SPHKAP: variants seen among roughly 807,000 people sequenced by gnomAD.
The protein encoded by SPHKAP is A-kinase anchor protein SPHKAP.
SPHKAP carries 67 observed loss-of-function variants against 137.5 expected under a neutral mutation model. The ratio of observed to expected loss-of-function variants is 0.49; its 90% CI spans 0.40 to 0.60. The LOEUF (loss-of-function observed/expected upper bound fraction) is 0.60. SPHKAP is among the 20% of genes least tolerant of loss of function. SPHKAP has a pLI of 0.00. For synonymous variants in SPHKAP, 813 were observed against 785.3 expected (o/e 1.04, Z -0.59); for missense variants, 2,097 against 2,069.3 (o/e 1.01, Z -0.26).
At chr2:228,160,399 C>G (rs1700239645) in intron 1 of SPHKAP, among the ~76,000 whole-genome samples, 1 of 152,154 alleles carries the variant, frequency 6.6e-6, no homozygotes, top group African/African-American at 2.4e-5. Context: ...ACTCACAGTT[C>G]CAAATGGCTG....
chr2:228,039,749 G>A (rs1428685462), intron 3 of SPHKAP, among the ~76,000 whole-genome samples: 3 of 152,110 alleles, frequency 2.0e-5, no homozygotes, highest in African/African-American at 7.2e-5. Context: ...GACAAAATCA[G>A]TGCTTTTATA....
chr2:228,063,240 C>T (rs1490063080), intron 3 of SPHKAP, among the ~76,000 whole-genome samples: 1 of 151,898 alleles, frequency 6.6e-6, no homozygotes, highest in African/African-American at 2.4e-5. Context: ...GTCTATCTAC[C>T]TACCTATCTG....
intron 2 of SPHKAP, among the ~76,000 whole-genome samples, chr2:228,117,092 C>T (rs1184780159): frequency 6.6e-6 from 1 of 152,096 alleles, no homozygotes; most frequent in African/African-American, 2.4e-5. Context: ...TTGGAAGGTG[C>T]ATGCTTCCCA....
At chr2:228,033,831 T>C (rs933203543) in intron 3 of SPHKAP, among the ~76,000 whole-genome samples, 12 of 152,140 alleles carry the variant, frequency 7.9e-5, no homozygotes, top group African/African-American at 2.2e-4. Context: ...TTGAAACCAA[T>C]GAGAACAAAG....
At chr2:228,023,551 G>A (rs775893539) in intron 5 of SPHKAP, among the ~76,000 whole-genome samples, 1 of 152,232 alleles carries the variant, frequency 6.6e-6, no homozygotes, top group Admixed American at 6.5e-5. Flanking sequence ...GTAAGCAGAA[G>A]TTGGCTTAAT....
At position 228,004,366 on chromosome 2, in the gene SPHKAP, T is replaced by C. The variant is rs149144004; in HGVS notation, c.4449-8672A>G. Among the ~76,000 whole-genome samples, 1,288 of 152,322 alleles carry C rather than the reference T, an allele frequency of 8.5e-3. 10 individuals are homozygous for C. Among genetic ancestry groups the C allele is most frequent in the African/African-American group, 0.026 (1,064 of 41,560 alleles). On this transcript the variant is annotated intron_variant, in intron 7 of 11. Transcript: ENST00000392056. Reference sequence around the variant, plus strand: ...ATTTGCGTAGAGGTGTTTATAGTATTCTCTGATGGTAGTTTGCATTTCTGT... The same window carrying C: ...ATTTGCGTAGAGGTGTTTATAGTATCCTCTGATGGTAGTTTGCATTTCTGT...
intron 3 of SPHKAP, among the ~76,000 whole-genome samples, chr2:228,092,234 T>C (rs1239241127): frequency 1.4e-5 from 2 of 146,884 alleles, no homozygotes; most frequent in Non-Finnish European, 3.0e-5. Context: ...TATACACACA[T>C]GTATACACAC....
chr2:228,143,664 C>CTT (rs35440451), intron 1 of SPHKAP, among the ~76,000 whole-genome samples: 1,238 of 97,414 alleles, frequency 0.013, 43 homozygotes, highest in Non-Finnish European at 0.02. Context: ...AAACACCTGG[C>CTT]TTTTTTTTTT....
chr2:228,017,463 T>C lies in SPHKAP; in HGVS notation c.3391A>G (p.Arg1131Gly). 6.2e-7 allele frequency: 1 copy of C among 1,613,848 alleles called. No homozygotes were observed. The highest frequency in any genetic ancestry group is 2.2e-5 in the East Asian group (1 of 44,854). ...TTTTCCATCTGGTTCACCATGAACCTGGAAAACTCATCGGTGATGCTCTCA... is the reference window on the plus strand; with the variant it reads ...TTTTCCATCTGGTTCACCATGAACCCGGAAAACTCATCGGTGATGCTCTCA... ...SCESITDEFS[R>G]FMVNQMENEG... The change falls in exon 7 of 12, where the codon AGG becomes GGG. Residue 1131 changes from arginine (R) to glycine (G), a missense_variant. Transcript: ENST00000392056.
chr2:228,133,667 A>G (rs1699338121), intron 1 of SPHKAP, among the ~76,000 whole-genome samples: 1 of 152,194 alleles, frequency 6.6e-6, no homozygotes, highest in Non-Finnish European at 1.5e-5. Flanking sequence ...GTTTCTCTTA[A>G]AACAAGTGCT....
chr2:228,139,180 C>T (rs574150917), intron 1 of SPHKAP, among the ~76,000 whole-genome samples: 162 of 152,182 alleles, frequency 1.1e-3, no homozygotes, highest in African/African-American at 3.6e-3. Flanking sequence ...ATATCAACAG[C>T]GGAAAAATTC....
At chr2:228,179,198 C>T (rs1052167754) in intron 1 of SPHKAP, among the ~76,000 whole-genome samples, 1 of 151,918 alleles carries the variant, frequency 6.6e-6, no homozygotes, top group Non-Finnish European at 1.5e-5. Flanking sequence ...GATTTATAAC[C>T]ACCAACTTAA....
Position 228,019,972 on chromosome 2 carries a change from T to A in SPHKAP, c.882A>T (p.Thr294=). The A allele has an allele frequency of 6.2e-7, 1 of 1,614,252 alleles. No homozygotes were observed. The highest frequency in any genetic ancestry group is 8.5e-7 in the Non-Finnish European group (1 of 1,180,040). The change falls in exon 7 of 12, where the codon ACA becomes ACT. Residue 294 remains threonine (T), a synonymous_variant. Transcript: ENST00000392056. ...ERSPENLTKN[T]ALQSLDPSAK... ...CTGAGGGATCTAGACTCTGCAAGGC[T>A]GTGTTCTTTGTTAGGTTTTCTGGAG...
At chr2:228,111,159 C>T (rs935422900) in intron 2 of SPHKAP, among the ~76,000 whole-genome samples, 1 of 152,160 alleles carries the variant, frequency 6.6e-6, no homozygotes, top group Non-Finnish European at 1.5e-5. Context: ...ATGCCATTCA[C>T]ATGCCTTTCC....
At chr2:228,145,407 G>GA (rs1699744977) in intron 1 of SPHKAP, among the ~76,000 whole-genome samples, 1 of 152,088 alleles carries the variant, frequency 6.6e-6, no homozygotes, top group East Asian at 1.9e-4. Flanking sequence ...AAAGCCTGTA[G>GA]AAAAATTTTT....
chr2:228,161,428 A>G (rs1270001646), intron 1 of SPHKAP, among the ~76,000 whole-genome samples: 1 of 152,212 alleles, frequency 6.6e-6, no homozygotes, highest in Non-Finnish European at 1.5e-5. Flanking sequence ...GTGAAGAAAA[A>G]AGTTCGTAAG....
At chr2:228,013,186 A>C (rs1694452721) in intron 7 of SPHKAP, among the ~76,000 whole-genome samples, 1 of 152,210 alleles carries the variant, frequency 6.6e-6, no homozygotes, top group South Asian at 2.1e-4. Flanking sequence ...AAATATGGTT[A>C]ATTTTCCCTC....
At chr2:228,083,109 G>GA (rs1697415773) in intron 3 of SPHKAP, among the ~76,000 whole-genome samples, 1 of 151,686 alleles carries the variant, frequency 6.6e-6, no homozygotes, top group Non-Finnish European at 1.5e-5. Context: ...TTTCCTCAAA[G>GA]AAAAAATAAA....
At chr2:228,087,865 G>A (rs1318508376) in intron 3 of SPHKAP, among the ~76,000 whole-genome samples, 1 of 151,384 alleles carries the variant, frequency 6.6e-6, no homozygotes, top group Admixed American at 6.6e-5. Flanking sequence ...AGAGAGGAGC[G>A]GCAAATATTT....
Sources: allele counts gnomAD v4.1 joint callset (sites outside exome capture counted in the v4.1 genomes callset), GRCh38; gene constraint gnomAD v4.1.1; transcripts MANE v1.5; gene names NCBI Gene and HGNC (gene_info 2026-07-23, HGNC 2026-07-21).